Variants in WSCD2 observed in about 807,000 individuals in gnomAD.
WSCD2 encodes the protein WSC domain sialate O sulfotransferase 2.
In WSCD2, 28 loss-of-function variants were observed where a neutral mutation model predicts 55.7. That is an observed-to-expected ratio of 0.50 (90% CI 0.37 to 0.69). The LOEUF (loss-of-function observed/expected upper bound fraction) is 0.69, where lower values mean the gene tolerates loss of function less well. Among genes scored for constraint, WSCD2 ranks in the 30% least tolerant of loss-of-function variants. WSCD2 has a pLI of 0.00. For synonymous variants in WSCD2, 301 were observed against 301.9 expected (o/e 1.00, Z 0.03); for missense variants, 616 against 762.1 (o/e 0.81, Z 2.26).
rs1879737005 is a variant in WSCD2 at position 108,167,007 on chromosome 12, T to C, written c.-551-28275T>C. On this transcript the variant is annotated intron_variant, in intron 1 of 8. Transcript: ENST00000547525. ...TTGTATTTTTAGTAGAGGCAGGGTT[T>C]CACAATGTTGGCTAGGCTTGTCTCG... 3.3e-5 allele frequency among the ~76,000 whole-genome samples: 5 copies of C among 151,978 alleles called. No individual in the cohort carries two copies. In the South Asian group the frequency reaches 1.0e-3, roughly 32 times the overall value.
chr12:108,146,015 C>T (rs1181814978), intron 1 of WSCD2, among the ~76,000 whole-genome samples: 2 of 152,280 alleles, frequency 1.3e-5, no homozygotes, highest in East Asian at 3.9e-4. Flanking sequence ...GTAGTTACCT[C>T]GACTGGAGAA....
chr12:108,245,981 C>T (rs573164908), intron 8 of WSCD2, among the ~76,000 whole-genome samples: 3 of 152,374 alleles, frequency 2.0e-5, no homozygotes, highest in African/African-American at 7.2e-5. Context: ...GCCTTCGCCA[C>T]ACTGCAATTT....
chr12:108,180,088 A>C (rs567652431), intron 1 of WSCD2, among the ~76,000 whole-genome samples: 1 of 152,004 alleles, frequency 6.6e-6, no homozygotes, highest in South Asian at 2.1e-4. Flanking sequence ...AGAAAAGAAA[A>C]GAAATCATGT....
At chr12:108,178,393 C>T (rs987913655) in intron 1 of WSCD2, among the ~76,000 whole-genome samples, 9 of 152,292 alleles carry the variant, frequency 5.9e-5, no homozygotes, top group East Asian at 5.8e-4. Context: ...CCAGCACCAT[C>T]GAATCTCTCT....
chr12:108,217,239 A>G (rs1593056395), intron 4 of WSCD2, among the ~76,000 whole-genome samples: 2 of 152,244 alleles, frequency 1.3e-5, no homozygotes, highest in Non-Finnish European at 2.9e-5. Context: ...TCCTCGGGAC[A>G]CCAGAGCCTT....
At chr12:108,130,480 GTGTGTGTGT>G (rs1565905469) in intron 1 of WSCD2, among the ~76,000 whole-genome samples, 7 of 46,586 alleles carry the variant, frequency 1.5e-4, no homozygotes, top group Non-Finnish European at 1.9e-4. Flanking sequence ...TCTGGGGTGT[GTGTGTGTGT>G]GTGTGTGTGT....
rs545099334 is a variant in WSCD2, at chr12:108,228,065, G to A, written c.979+901G>A. Among the ~76,000 whole-genome samples, 42 of 151,902 alleles carry A rather than the reference G, an allele frequency of 2.8e-4. No individual in the cohort carries two copies. In the South Asian group the frequency reaches 8.6e-3, roughly 31 times the overall value. ...CCCTCTTTACTGTGGGGCGGGGGAG[G>A]GGATTGAGACTCAGAACAGTTGAGG... On this transcript the variant is annotated intron_variant, in intron 6 of 8. Transcript: ENST00000547525.
chr12:108,156,629 G>A (rs1426194977), intron 1 of WSCD2, among the ~76,000 whole-genome samples: 2 of 152,148 alleles, frequency 1.3e-5, no homozygotes, highest in African/African-American at 4.8e-5. Context: ...TGGGTTGTGG[G>A]TATCAAGAAA....
Position 108,240,057 on chromosome 12 carries a change from C to T in WSCD2, c.1145-287C>T, listed in dbSNP as rs146817961. 2.6e-5 allele frequency among the ~76,000 whole-genome samples: 4 copies of T among 152,302 alleles called. No individual in the cohort carries two copies. In the East Asian group the frequency reaches 7.7e-4, roughly 29 times the overall value. ...ATTAATACTGCCCTTTTGTAACACT[C>T]ACCAGGGCAGTGGTTTTACATTTAT... is the stretch of plus-strand genomic sequence containing the variant. On this transcript the variant is annotated intron_variant, in intron 7 of 8. Coordinates refer to ENST00000547525, the MANE Select transcript of WSCD2 (RefSeq NM_014653.4).
intron 2 of WSCD2, among the ~76,000 whole-genome samples, chr12:108,199,921 C>G (rs552025458): frequency 6.6e-6 from 1 of 152,272 alleles, no homozygotes; most frequent in Admixed American, 6.5e-5. Context: ...TTATAATAAG[C>G]TTGCATACTA....
Position 108,166,750 on chromosome 12 carries a change from T to TTC in WSCD2, c.-551-28530_-551-28529dup, listed in dbSNP as rs1316911858. ...TCTCTTTCTTTCTTTCTTTCCTTCT[T>TTC]TCTTTCTTTCTTTTCTTTCTTTCTT... is the stretch of plus-strand genomic sequence containing the variant. On this transcript the variant is annotated intron_variant, in intron 1 of 8. Transcript: ENST00000547525. Among the ~76,000 whole-genome samples the TTC allele has an allele frequency of 4.5e-3, 215 of 47,434 alleles. 2 individuals are homozygous for TTC. In the East Asian group the frequency reaches 0.13, roughly 30 times the overall value. 31.1% of individuals were successfully genotyped at this position (47,434 alleles called of 152,430 possible).
At chr12:108,155,972 A>C (rs1487105990) in intron 1 of WSCD2, among the ~76,000 whole-genome samples, 1 of 152,212 alleles carries the variant, frequency 6.6e-6, no homozygotes, top group African/African-American at 2.4e-5. Context: ...GACACCACCC[A>C]GGCTGTGCCC....
At chr12:108,216,106 T>C (rs1886804447) in intron 4 of WSCD2, among the ~76,000 whole-genome samples, 1 of 152,178 alleles carries the variant, frequency 6.6e-6, no homozygotes. Context: ...TTGTTAAAAT[T>C]GAGCAGATCT....
intron 1 of WSCD2, among the ~76,000 whole-genome samples, chr12:108,185,777 C>A (rs1369101626): frequency 6.6e-6 from 1 of 152,142 alleles, no homozygotes; most frequent in Non-Finnish European, 1.5e-5. Context: ...ACACTCTGCC[C>A]AGAACCAGCA....
chr12:108,164,905 G>C (rs1436958168), intron 1 of WSCD2, among the ~76,000 whole-genome samples: 2 of 152,148 alleles, frequency 1.3e-5, no homozygotes, highest in Non-Finnish European at 2.9e-5. Flanking sequence ...GGGGACAAAG[G>C]GGGTACCCAG....
Position 108,210,369 on chromosome 12 carries a change from A to G in WSCD2, c.682+64A>G, listed in dbSNP as rs1885999229. On this transcript the variant is annotated intron_variant, in intron 4 of 8. Coordinates refer to ENST00000547525, the MANE Select transcript of WSCD2 (RefSeq NM_014653.4). The surrounding 1 kb of genome is among the most constrained non-coding windows in gnomAD (Gnocchi z 4.3). ...CTCAGCTGCAGCCCTTGCCCACCAAAGAGTCCCACATGTCTGCCCTGTACC... is the reference window on the plus strand; with the variant it reads ...CTCAGCTGCAGCCCTTGCCCACCAAGGAGTCCCACATGTCTGCCCTGTACC... 2 of 1,506,160 alleles carry G rather than the reference A, an allele frequency of 1.3e-6. No individual in the cohort carries two copies. The highest frequency in any genetic ancestry group is 2.6e-5 in the South Asian group (2 of 76,642). The allele number at this position is 1,506,160 out of a possible 1,614,324, so 93.3% of individuals were successfully genotyped here.
intron 1 of WSCD2, among the ~76,000 whole-genome samples, chr12:108,170,171 GA>G (rs5800811): frequency 0.62 from 93,615 of 151,552 alleles, 31,846 homozygotes; most frequent in East Asian, 0.91. Flanking sequence ...TTCCAAACAA[GA>G]ACCACCTTTC....
At chr12:108,133,634 C>A (rs1333395528) in intron 1 of WSCD2, among the ~76,000 whole-genome samples, 1 of 152,172 alleles carries the variant, frequency 6.6e-6, no homozygotes, top group Non-Finnish European at 1.5e-5. Flanking sequence ...GTGCACCTTC[C>A]GAGTGTTGAT....
At chr12:108,220,598 T>C (rs1221355839) in intron 4 of WSCD2, among the ~76,000 whole-genome samples, 1 of 152,208 alleles carries the variant, frequency 6.6e-6, no homozygotes, top group East Asian at 1.9e-4. Context: ...GGCATGATCA[T>C]GGCTCATTGC....
Sources: gnomAD v4.1 joint callset for allele counts (sites outside exome capture counted in the v4.1 genomes callset) on GRCh38, gnomAD v4.1.1 for gene constraint, Gnocchi (gnomAD v3.1) non-coding constraint, MANE v1.5 for transcripts, NCBI Gene and HGNC (gene_info 2026-07-23, HGNC 2026-07-21) for gene names.